Variants in ASPM observed in about 807,000 individuals in gnomAD.
ASPM encodes the protein assembly factor for spindle microtubules.
Under a neutral mutation model 366.4 loss-of-function variants are expected in ASPM, and 256 were observed. The observed-to-expected ratio is 0.70, with a 90% CI of 0.63 to 0.77. The LOEUF (loss-of-function observed/expected upper bound fraction) is 0.77. Ranked by LOEUF, ASPM falls within the 30% of genes least tolerant of loss-of-function variation. The probability of loss-of-function intolerance (pLI) is 0.00; values close to 1 mark genes in which losing one functional copy is unlikely to be tolerated. For missense variants in ASPM, 4,146 were observed against 4,090.4 expected (o/e 1.01, Z -0.37); for synonymous variants, 1,414 against 1,342.9 (o/e 1.05, Z -1.16).
In ASPM at chr1:197,100,792, G is replaced by A. The variant is rs541142898; in HGVS notation, c.8459C>T (p.Thr2820Ile). 6.2e-7 allele frequency: 1 copy of A among 1,612,474 alleles called. No individual in the cohort carries two copies. The highest frequency in any genetic ancestry group is 1.1e-5 in the South Asian group (1 of 91,066). Residue 2820 changes from threonine to isoleucine, a missense_variant, in exon 18 of 28, where the codon ACA becomes ATA. By Grantham distance (89) the Thr-to-Ile change is moderately conservative (BLOSUM62 -1). Coordinates refer to ENST00000367409, the MANE Select transcript of ASPM (RefSeq NM_018136.5). ...EYHSQSRAAVTIQKAFCRMVT... is the reference protein window; with the variant it reads ...EYHSQSRAAVIIQKAFCRMVT... ...CATTCTACAAAAAGCTTTTTGAATT[G>A]TTACTGCAGCCCTACTTTGAGAATG...
chr1:197,122,361 T>C (rs41310126), intron 14 of ASPM, 27 bp downstream of exon 14: 96 of 1,613,330 alleles, frequency 6.0e-5, no homozygotes, highest in Admixed American at 1.8e-4. Flanking sequence ...TGGCAAAAAA[T>C]TGGAAAAGTA....
intron 27 of ASPM, among the ~76,000 whole-genome samples, chr1:197,085,045 C>T (rs1182477131): frequency 6.6e-6 from 1 of 152,140 alleles, no homozygotes; most frequent in East Asian, 1.9e-4. Context: ...GAATGCTGTC[C>T]TTACTTTCCT....
At chr1:197,091,811 C>A in intron 22 of ASPM, 96 bp downstream of exon 22, 2 of 1,299,278 alleles carry the variant, frequency 1.5e-6, no homozygotes, top group Non-Finnish European at 2.2e-6. Flanking sequence ...TGTTGTACGA[C>A]CTTAGCATAA....
chr1:197,090,326 T>A lies in ASPM; in HGVS notation c.9699A>T (p.Arg3233=), dbSNP rs1263960287. ...KNDCTKIKAI[R]LSLQVVNREI... is the part of the protein sequence containing the mutation. The stretch of plus-strand genomic sequence containing the variant: ...CCCTATTAACAACTTGAAGACTTAG[T>A]CGTATAGCTTTAATTTTTGTACAAT... Residue 3233 remains arginine (R), a synonymous_variant, in exon 24 of 28, where the codon CGA becomes CGT. Transcript: ENST00000367409. The A allele has an allele frequency of 2.3e-5, 37 of 1,612,656 alleles. No homozygotes were observed. The highest frequency in any genetic ancestry group is 3.1e-5 in the Non-Finnish European group (36 of 1,179,236).
intron 4 of ASPM, chr1:197,138,874 GCTTC>G: frequency 3.2e-6 from 3 of 949,072 alleles, no homozygotes; most frequent in South Asian, 2.6e-5. Context: ...TCTTCTTCGA[GCTTC>G]CTTATCTCCT....
intron 17 of ASPM, among the ~76,000 whole-genome samples, chr1:197,113,726 C>G (rs905260823): frequency 3.9e-5 from 6 of 152,008 alleles, no homozygotes; most frequent in African/African-American, 1.4e-4. Context: ...AACACACATA[C>G]CAAATAGAGG....
chr1:197,104,325 T>C lies in ASPM; in HGVS notation c.4926A>G (p.Ala1642=). ...TRSAVIVLQS[A]YRGMQARKMY... is the part of the protein sequence containing the mutation. The stretch of plus-strand genomic sequence containing the variant: ...TTTTCCTGGCTTGCATCCCTCTATA[T>C]GCAGACTGCAGCACAATGACAGCAG... The change falls in exon 18 of 28, where the codon GCA becomes GCG. Residue 1642 remains alanine, a synonymous_variant. Coordinates refer to ENST00000367409, the MANE Select transcript of ASPM (RefSeq NM_018136.5). The C allele has an allele frequency of 1.9e-6, 3 of 1,613,094 alleles. No individual in the cohort carries two copies. The highest frequency in any genetic ancestry group is 1.7e-5 in the Admixed American group (1 of 59,830).
At chr1:197,128,874 T>C in intron 9 of ASPM, among the ~76,000 whole-genome samples, 1 of 152,166 alleles carries the variant, frequency 6.6e-6, no homozygotes, top group East Asian at 1.9e-4. Flanking sequence ...AAACTAGCAT[T>C]AACTTGATTA....
rs765816868 is a variant in ASPM, at chr1:197,133,635, A to G, written c.2174-40T>C. On this transcript the variant is annotated intron_variant, in intron 5 of 27. Transcript: ENST00000367409. ...AAGAAAGAATGTTTCTGGTTAAACAATATCTCTACATATTCTTAAATCCAG... is the reference window on the plus strand; with the variant it reads ...AAGAAAGAATGTTTCTGGTTAAACAGTATCTCTACATATTCTTAAATCCAG... 14 of 1,590,286 alleles carry G rather than the reference A, an allele frequency of 8.8e-6. No individual in the cohort carries two copies. The African/African-American group carries it at 1.2e-4, about 14-fold the overall frequency.
At chr1:197,095,929 A>G in intron 19 of ASPM, 69 bp downstream of exon 19, 2 of 1,324,462 alleles carry the variant, frequency 1.5e-6, no homozygotes, top group Non-Finnish European at 2.1e-6. Flanking sequence ...AAGCAGTGTT[A>G]TTTTATGTAA....
At chr1:197,133,856 C>G (rs1337964826) in intron 5 of ASPM, among the ~76,000 whole-genome samples, 2 of 152,124 alleles carry the variant, frequency 1.3e-5, no homozygotes, top group Non-Finnish European at 2.9e-5. Flanking sequence ...GAATTAACTT[C>G]CTCACTGGTT....
rs765124952 is a variant in ASPM at position 197,104,091 on chromosome 1, T to C, written c.5160A>G (p.Gln1720=). ...GCATCTGCATATACTCTTCTCTCTT[T>C]TGTGCAGCTATTTTTTTGGAACGGT... is the stretch of plus-strand genomic sequence containing the variant. ...QCYRSKKIAA[Q]KREEYMQMRE... is the part of the protein sequence containing the mutation. The change falls in exon 18 of 28, where the codon CAA becomes CAG. Residue 1720 remains glutamine (Q), a synonymous_variant. Coordinates refer to ENST00000367409, the MANE Select transcript of ASPM (RefSeq NM_018136.5). 7.4e-6 allele frequency: 12 copies of C among 1,613,050 alleles called. No individual in the cohort carries two copies. The highest frequency in any genetic ancestry group is 9.3e-6 in the Non-Finnish European group (11 of 1,179,438).
intron 16 of ASPM, among the ~76,000 whole-genome samples, chr1:197,118,545 A>G (rs755184735): frequency 5.3e-5 from 8 of 152,150 alleles, no homozygotes; most frequent in Non-Finnish European, 1.2e-4. Context: ...GTGGTCAAAG[A>G]GGACCCAGCT....
At position 197,092,026 on chromosome 1, in the gene ASPM, G is replaced by T; in HGVS notation, c.9325C>A (p.Leu3109Ile). 2 of 1,611,914 alleles carry T rather than the reference G, an allele frequency of 1.2e-6. No homozygotes were observed. The highest frequency in any genetic ancestry group is 1.1e-5 in the South Asian group (1 of 91,040). The change falls in exon 22 of 28, where the codon CTT (leucine) becomes ATT (isoleucine). Residue 3109 changes from leucine to isoleucine, a missense_variant. Transcript: ENST00000367409. Reference protein sequence around the residue: ...FLEQRAKIRLLHFTAAAYYHL... With the variant: ...FLEQRAKIRLIHFTAAAYYHL... ...TAATATGCAGCTGCAGTGAAGTGAAGAAGTCGAATTTTGGCTCTCTGTTCT... is the reference window on the plus strand; with the variant it reads ...TAATATGCAGCTGCAGTGAAGTGAATAAGTCGAATTTTGGCTCTCTGTTCT...
rs1557967656 is a variant in ASPM, at chr1:197,146,340, G to A, written c.98C>T (p.Ala33Val). 2 of 1,612,458 alleles carry A rather than the reference G, an allele frequency of 1.2e-6. No individual in the cohort carries two copies. The highest frequency in any genetic ancestry group is 4.5e-5 in the East Asian group (2 of 44,808). Residue 33 changes from alanine (A) to valine (V), a missense_variant, in exon 1 of 28, where the codon GCG becomes GTG. Coordinates refer to ENST00000367409, the MANE Select transcript of ASPM (RefSeq NM_018136.5). ...GLRGPAAEEE[A>V]SSPPVLSLSH... ...GAGAGACAGGACCGGCGGGGAAGAC[G>A]CCTCCTCCTCGGCCGCGGGGCCCCG... is the stretch of plus-strand genomic sequence containing the variant.
rs1283448986 is a variant in ASPM, at chr1:197,146,529, CT to C, written c.-93del. 1.4e-6 allele frequency: 2 copies of C among 1,437,576 alleles called. No individual in the cohort carries two copies. The highest frequency in any genetic ancestry group is 2.8e-5 in the African/African-American group (2 of 71,452). The allele number at this position is 1,437,576 out of a possible 1,614,324, so 89.1% of individuals were successfully genotyped here. A position where few individuals can be genotyped will look rare whatever the true frequency, so the allele number is the denominator to read the frequency against. On this transcript the variant is annotated 5_prime_UTR_variant, in exon 1 of 28. Coordinates refer to ENST00000367409, the MANE Select transcript of ASPM (RefSeq NM_018136.5). Reference sequence around the variant, plus strand: ...CCGGGACTTACGCTGACCGCTTCCCCTCAGGGGCGGCTGTAGAGGTCGTGGG... The same window carrying C: ...CCGGGACTTACGCTGACCGCTTCCCCCAGGGGCGGCTGTAGAGGTCGTGGG...
intron 17 of ASPM, among the ~76,000 whole-genome samples, chr1:197,114,771 C>T (rs945450413): frequency 5.3e-5 from 8 of 151,912 alleles, no homozygotes; most frequent in Non-Finnish European, 5.9e-5. Context: ...ATTTTTGAGA[C>T]GGAGTCTCGC....
chr1:197,131,313 T>C (rs1303456670), intron 7 of ASPM, among the ~76,000 whole-genome samples: 1 of 151,924 alleles, frequency 6.6e-6, no homozygotes, highest in African/African-American at 2.4e-5. Context: ...CTAGAAAAAA[T>C]GTGAAAGCAT....
intron 26 of ASPM, 96 bp downstream of exon 26, chr1:197,088,160 T>C (rs1429232385): frequency 7.3e-7 from 1 of 1,373,676 alleles, no homozygotes; most frequent in East Asian, 2.3e-5. Flanking sequence ...TAAAACCCTA[T>C]TTTAGAGTGA....
Sources: gnomAD v4.1 joint callset for allele counts (sites outside exome capture counted in the v4.1 genomes callset) on GRCh38, gnomAD v4.1.1 for gene constraint, MANE v1.5 for transcripts, NCBI Gene and HGNC (gene_info 2026-07-23, HGNC 2026-07-21) for gene names.